MARCHF1: variants seen among roughly 807,000 people sequenced by gnomAD.
The protein encoded by MARCHF1 is E3 ubiquitin-protein ligase MARCHF1.
Under a neutral mutation model 54.2 loss-of-function variants are expected in MARCHF1, and 40 were observed. The observed-to-expected ratio is 0.74, with a 90% CI of 0.57 to 0.96. MARCHF1 has a LOEUF of 0.96. Among genes scored for constraint, MARCHF1 ranks in the 40% least tolerant of loss-of-function variants. The pLI is 0.00. For synonymous variants in MARCHF1, 236 were observed against 236.3 expected, an observed-to-expected ratio of 1.00 and a Z score of 0.01; for missense variants, 586 against 656.5, an observed-to-expected ratio of 0.89 and a Z score of 1.17.
intron 2 of MARCHF1, among the ~76,000 whole-genome samples, chr4:164,068,978 T>C (rs1754793558): frequency 6.6e-6 from 1 of 151,196 alleles, no homozygotes; most frequent in African/African-American, 2.4e-5. Context: ...CTGTATCTAG[T>C]TAATCTGGTG....
At chr4:164,220,373 T>C (rs1284369887) in intron 1 of MARCHF1, among the ~76,000 whole-genome samples, 2 of 147,478 alleles carry the variant, frequency 1.4e-5, no homozygotes, top group Non-Finnish European at 3.0e-5. Context: ...TATTCCCATA[T>C]ATATTCCATT....
chr4:163,972,585 C>T (rs773347075), intron 3 of MARCHF1, among the ~76,000 whole-genome samples: 2 of 152,064 alleles, frequency 1.3e-5, no homozygotes, highest in Non-Finnish European at 2.9e-5. Flanking sequence ...CTTGCTCAGC[C>T]GCCCAGGCTG....
chr4:164,204,988 T>A (rs1731564923), intron 1 of MARCHF1, among the ~76,000 whole-genome samples: 1 of 152,226 alleles, frequency 6.6e-6, no homozygotes, highest in Non-Finnish European at 1.5e-5. Context: ...TTCAATTATT[T>A]TTAAACTAAA....
intron 1 of MARCHF1, among the ~76,000 whole-genome samples, chr4:164,312,930 T>G (rs1316340783): frequency 6.6e-6 from 1 of 152,088 alleles, no homozygotes; most frequent in Non-Finnish European, 1.5e-5. Flanking sequence ...GTAAAGCAAC[T>G]GTAGAACAAG....
In MARCHF1 at chr4:163,528,648, G is replaced by T; in HGVS notation, c.*100C>A. ...AAAAATGTGTCAGTAGGAGAAAGGA[G>T]GAGCTGAAGGGAGTAAATAATTCAA... On this transcript the variant is annotated 3_prime_UTR_variant, in exon 10 of 10. Coordinates refer to ENST00000514618, the MANE Select transcript of MARCHF1 (RefSeq NM_001394959.1). 8.3e-7 allele frequency: 1 copy of T among 1,206,502 alleles called. No individual in the cohort carries two copies. The allele number at this position is 1,206,502 out of a possible 1,614,324, so 74.7% of individuals were successfully genotyped here.
intron 4 of MARCHF1, among the ~76,000 whole-genome samples, chr4:163,711,583 G>T (rs1212246440): frequency 6.6e-6 from 1 of 152,154 alleles, no homozygotes; most frequent in Non-Finnish European, 1.5e-5. Flanking sequence ...TGAGTTTAGA[G>T]TAATTATCCC....
chr4:163,698,478 C>G (rs1744703092), intron 5 of MARCHF1, among the ~76,000 whole-genome samples: 1 of 152,142 alleles, frequency 6.6e-6, no homozygotes, highest in African/African-American at 2.4e-5. Context: ...CTGTTTATTC[C>G]TATCACTGGT....
At chr4:164,142,673 C>A (rs1281323957) in intron 1 of MARCHF1, among the ~76,000 whole-genome samples, 1 of 152,186 alleles carries the variant, frequency 6.6e-6, no homozygotes, top group Non-Finnish European at 1.5e-5. Context: ...CCCATCTGTA[C>A]ATCACCATCA....
At chr4:164,314,498 A>G (rs553084090) in intron 1 of MARCHF1, among the ~76,000 whole-genome samples, 37 of 152,120 alleles carry the variant, frequency 2.4e-4, no homozygotes, top group African/African-American at 8.2e-4. Flanking sequence ...TACAAATATC[A>G]CCTTTACCAC....
intron 1 of MARCHF1, among the ~76,000 whole-genome samples, chr4:164,173,000 A>G (rs1000243040): frequency 6.8e-6 from 1 of 147,720 alleles, no homozygotes; most frequent in Non-Finnish European, 1.5e-5. Context: ...AAAAAAAGTC[A>G]CTGTAATAGT....
intron 1 of MARCHF1, among the ~76,000 whole-genome samples, chr4:164,363,571 A>T (rs940529364): frequency 6.6e-6 from 1 of 152,138 alleles, no homozygotes; most frequent in South Asian, 2.1e-4. Flanking sequence ...AAGCCAACAA[A>T]GTTCATCCAG....
intron 5 of MARCHF1, among the ~76,000 whole-genome samples, chr4:163,668,500 G>A (rs1743618661): frequency 6.6e-6 from 1 of 152,154 alleles, no homozygotes; most frequent in African/African-American, 2.4e-5. Context: ...AGAGGAGATG[G>A]AGGTAGAATG....
chr4:164,354,335 C>A (rs1297271795), intron 1 of MARCHF1, among the ~76,000 whole-genome samples: 2 of 135,448 alleles, frequency 1.5e-5, no homozygotes, highest in African/African-American at 2.7e-5. Context: ...GACCAATATC[C>A]TTGATGAACA....
At chr4:164,211,702 G>A (rs1024686053) in intron 1 of MARCHF1, among the ~76,000 whole-genome samples, 3 of 152,018 alleles carry the variant, frequency 2.0e-5, no homozygotes, top group South Asian at 2.1e-4. Flanking sequence ...ACTTGACAAT[G>A]GTTAAAGAAC....
intron 1 of MARCHF1, among the ~76,000 whole-genome samples, chr4:164,142,365 G>A (rs1395914415): frequency 1.3e-5 from 2 of 152,140 alleles, no homozygotes; most frequent in Admixed American, 6.5e-5. Context: ...CACCTCTGGG[G>A]GCAGGGCACA....
rs1731279390 is a variant in MARCHF1, at chr4:164,196,952, T to C, written c.-322-85290A>G. The C allele has an allele frequency of 3.8e-6, 6 of 1,596,974 alleles. No homozygotes were observed. The Admixed American group carries it at 1.0e-4, about 27-fold the overall frequency. On this transcript the variant is annotated intron_variant, in intron 1 of 9. Transcript: ENST00000514618. The stretch of plus-strand genomic sequence containing the variant: ...AAAACAGTCAAATCACAATAGGAAT[T>C]TTTCAAAATAGGTTATTCTACTTAG...
chr4:163,563,917 C>A (rs954665562), intron 8 of MARCHF1, among the ~76,000 whole-genome samples: 3 of 152,102 alleles, frequency 2.0e-5, no homozygotes, highest in Non-Finnish European at 4.4e-5. Context: ...AGGCTCTAAG[C>A]GACCTGATAT....
At chr4:163,557,920 G>A (rs1263527316) in intron 8 of MARCHF1, among the ~76,000 whole-genome samples, 4 of 152,078 alleles carry the variant, frequency 2.6e-5, no homozygotes, top group East Asian at 1.9e-4. Context: ...AAGGTTCAGC[G>A]TCCACACTGA....
intron 9 of MARCHF1, among the ~76,000 whole-genome samples, chr4:163,539,753 T>C (rs1215946278): frequency 1.3e-5 from 2 of 152,174 alleles, no homozygotes; most frequent in African/African-American, 4.8e-5. Context: ...AGAAATCCCA[T>C]CAAAAAATAA....
Sources: allele counts gnomAD v4.1 joint callset (sites outside exome capture counted in the v4.1 genomes callset), GRCh38; gene constraint gnomAD v4.1.1; transcripts MANE v1.5; gene names NCBI Gene and HGNC (gene_info 2026-07-23, HGNC 2026-07-21).